The following TNPO2 variants were observed in gnomAD, a reference collection of about 807,000 sequenced individuals.
TNPO2 encodes the protein transportin 2.
Under a neutral mutation model 111.1 loss-of-function variants are expected in TNPO2, and 16 were observed. That is an observed-to-expected ratio of 0.14 (90% CI 0.10 to 0.22). The LOEUF is 0.22. Among genes scored for constraint, TNPO2 ranks in the 10% least tolerant of loss-of-function variants. TNPO2 has a pLI of 1.00. For synonymous variants in TNPO2, 481 were observed against 475.8 expected (o/e 1.01, Z -0.14); for missense variants, 530 against 1,173.7 (o/e 0.45, Z 8.01).
rs768505656 is a variant in TNPO2, at chr19:12,719,081, C to T, written c.273G>A (p.Gln91=). The T allele has an allele frequency of 1.9e-6, 3 of 1,613,990 alleles. No homozygotes were observed. Among genetic ancestry groups the T allele is most frequent in the Admixed American group, 1.7e-5 (1 of 60,026 alleles). The change falls in exon 5 of 26, where the codon CAG becomes CAA. Residue 91 remains glutamine, a synonymous_variant. Coordinates refer to ENST00000425528, the MANE Select transcript of TNPO2 (RefSeq NM_001382241.1). This position sits in a 1 kb window ranked among gnomAD's most constrained non-coding sequence, Gnocchi z 5.0. Reference sequence around the variant, plus strand: ...CATCGCCAATGTTGTTGAGACACTCCTGTTTGATGAAGTCTGCCACAGGGG... The same window carrying T: ...CATCGCCAATGTTGTTGAGACACTCTTGTTTGATGAAGTCTGCCACAGGGG... ...FPPPVADFIK[Q]ECLNNIGDAS...
In TNPO2 at chr19:12,715,220, C is replaced by T. The variant is rs1177537071; in HGVS notation, c.648+23G>A. The T allele has an allele frequency of 6.2e-7, 1 of 1,613,822 alleles. No homozygotes were observed. Among genetic ancestry groups the T allele is most frequent in the South Asian group, 1.1e-5 (1 of 91,070 alleles). ...TAGGGGCCCTCAGTCCTCGCCCTGC[C>T]CACCCCCAGCCCAGCGGCCCACCTC... is the stretch of plus-strand genomic sequence containing the variant. On this transcript the variant is annotated intron_variant, in intron 8 of 25. Coordinates refer to ENST00000425528, the MANE Select transcript of TNPO2 (RefSeq NM_001382241.1). This position sits in a 1 kb window ranked among gnomAD's most constrained non-coding sequence, Gnocchi z 7.1.
rs1016727566 is a variant in TNPO2 at position 12,710,789 on chromosome 19, C to T, written c.1118-16G>A. On this transcript the variant is annotated splice_polypyrimidine_tract_variant and intron_variant, in intron 12 of 25. Transcript: ENST00000425528. ...GAGCACTTCCCTGGGGAAGGGGGAA[C>T]AATGGGGAGGCTCAGGGCGGCCCCT... is the stretch of plus-strand genomic sequence containing the variant. 6.2e-7 allele frequency: 1 copy of T among 1,600,620 alleles called. No individual in the cohort carries two copies. Among genetic ancestry groups the T allele is most frequent in the South Asian group, 1.1e-5 (1 of 89,350 alleles).
chr19:12,715,284 G>A lies in TNPO2; in HGVS notation c.607C>T (p.Arg203Trp), dbSNP rs1194257803. 1.2e-6 allele frequency: 2 copies of A among 1,613,534 alleles called. No homozygotes were observed. The highest frequency in any genetic ancestry group is 8.5e-7 in the Non-Finnish European group (1 of 1,179,736). ...ATATTGTCCATCAGCGCCTGGGCCC[G>A]GTCCATGATGAACTGGTTCACGCAG... ...IACVNQFIMD[R>W]AQALMDNIDT... Residue 203 changes from arginine (R) to tryptophan (W), a missense_variant, in exon 8 of 26, where the codon CGG becomes TGG. Coordinates refer to ENST00000425528, the MANE Select transcript of TNPO2 (RefSeq NM_001382241.1). This position sits in a 1 kb window ranked among gnomAD's most constrained non-coding sequence, Gnocchi z 7.1.
chr19:12,710,700 T>C lies in TNPO2; in HGVS notation c.1191A>G (p.Pro397=), dbSNP rs2025987718. The C allele has an allele frequency of 1.2e-6, 2 of 1,613,432 alleles. No individual in the cohort carries two copies. The highest frequency in any genetic ancestry group is 2.2e-5 in the South Asian group (2 of 91,012). ...FREELLPHLL[P]LLKGLLFHPE... is the part of the protein sequence containing the mutation. ...GGTGGAAGAGGAGGCCTTTGAGTAG[T>C]GGGAGTAGGTGGGGCAGCAGTTCCT... Residue 397 remains proline, a synonymous_variant, in exon 13 of 26, where the codon CCA becomes CCG. Transcript: ENST00000425528.
At chr19:12,718,357 G>A (rs1467417501) in intron 5 of TNPO2, among the ~76,000 whole-genome samples, 6 of 152,128 alleles carry the variant, frequency 3.9e-5, no homozygotes, top group African/African-American at 1.4e-4. Flanking sequence ...AGTAGAGATG[G>A]GGTTTCACCA....
intron 20 of TNPO2, 108 bp downstream of exon 20, chr19:12,703,320 C>G: frequency 2.0e-6 from 2 of 1,010,078 alleles, no homozygotes; most frequent in Non-Finnish European, 3.0e-6. Context: ...CCCTGACGAC[C>G]CCCAAGAGAC....
At chr19:12,714,674 T>C (rs1568337388) in intron 10 of TNPO2, 147 bp downstream of exon 10, 1 of 662,392 alleles carries the variant, frequency 1.5e-6, no homozygotes, top group South Asian at 1.8e-5. Flanking sequence ...AAAAGTGGCA[T>C]TCTTACCACT....
rs1052400743 is a variant in TNPO2, at chr19:12,700,730, C to G, written c.*534G>C. 3 of 148,934 alleles carry G rather than the reference C, an allele frequency of 2.0e-5. No individual in the cohort carries two copies. The highest frequency in any genetic ancestry group is 4.9e-5 in the African/African-American group (2 of 40,520). 9.2% of individuals were successfully genotyped at this position (148,934 alleles called of 1,614,324 possible). A position where few individuals can be genotyped will look rare whatever the true frequency, so the allele number is the denominator to read the frequency against. ...TCTTAAACTCTAGATGCAGGTTACACGGAAGGCCTTACGGGTTAACTCAGG... is the reference window on the plus strand; with the variant it reads ...TCTTAAACTCTAGATGCAGGTTACAGGGAAGGCCTTACGGGTTAACTCAGG... On this transcript the variant is annotated 3_prime_UTR_variant, in exon 26 of 26. Transcript: ENST00000425528.
chr19:12,710,730 G>A lies in TNPO2; in HGVS notation c.1161C>T (p.Phe387=). 4 of 1,613,376 alleles carry A rather than the reference G, an allele frequency of 2.5e-6. No homozygotes were observed. The highest frequency in any genetic ancestry group is 3.4e-6 in the Non-Finnish European group (4 of 1,179,672). The change falls in exon 13 of 26, where the codon TTC becomes TTT. Residue 387 remains phenylalanine (F), a synonymous_variant. Coordinates refer to ENST00000425528, the MANE Select transcript of TNPO2 (RefSeq NM_001382241.1). ...AAALDVLANV[F]REELLPHLLP... is the part of the protein sequence containing the mutation. ...GTAGGTGGGGCAGCAGTTCCTCCCG[G>A]AAGACATTGGCGAGGACGTCCAGTG... is the stretch of plus-strand genomic sequence containing the variant.
chr19:12,721,703 G>A lies in TNPO2; in HGVS notation c.-13-713C>T. Reference sequence around the variant, plus strand: ...CTGCTGCCTCTTCGAATGAGAGCCAGCCAAGCCCGGCCAACCCACTATAGG... The same window carrying A: ...CTGCTGCCTCTTCGAATGAGAGCCAACCAAGCCCGGCCAACCCACTATAGG... On this transcript the variant is annotated intron_variant, in intron 2 of 25. Transcript: ENST00000425528. This position sits in a 1 kb window ranked among gnomAD's most constrained non-coding sequence, Gnocchi z 4.9. The A allele has an allele frequency of 4.7e-6, 1 of 211,984 alleles. No homozygotes were observed. Among genetic ancestry groups the A allele is most frequent in the Non-Finnish European group, 9.6e-6 (1 of 104,590 alleles). The allele number at this position is 211,984 out of a possible 1,614,324, so 13.1% of individuals were successfully genotyped here. A position where few individuals can be genotyped will look rare whatever the true frequency, so the allele number is the denominator to read the frequency against.
At chr19:12,711,806 A>C (rs907147030) in intron 10 of TNPO2, among the ~76,000 whole-genome samples, 193 bp from the exon 11 acceptor site, 10 of 151,878 alleles carry the variant, frequency 6.6e-5, no homozygotes, top group Non-Finnish European at 1.3e-4. Context: ...AATTATCGGA[A>C]TCTAGTCTCT....
In TNPO2 at chr19:12,715,672, G is replaced by A; in HGVS notation, c.393C>T (p.Leu131=). Residue 131 remains leucine, a synonymous_variant, in exon 6 of 26, where the codon CTC becomes CTT. Coordinates refer to ENST00000425528, the MANE Select transcript of TNPO2 (RefSeq NM_001382241.1). The surrounding 1 kb of genome is among the most constrained non-coding windows in gnomAD (Gnocchi z 7.1). ...AATCCTCCGAGTTAAGCAGGTTGCA[G>A]AGCTGGGGCAGCAGCTCGGGCCACA... ...LQMWPELLPQ[L]CNLLNSEDYN... is the part of the protein sequence containing the mutation. 1 of 1,613,764 alleles carries A rather than the reference G, an allele frequency of 6.2e-7. No homozygotes were observed. The highest frequency in any genetic ancestry group is 8.5e-7 in the Non-Finnish European group (1 of 1,179,808).
At position 12,715,876 on chromosome 19, in the gene TNPO2, T is replaced by G. The variant is rs2026336032; in HGVS notation, c.326-137A>C. 3 of 672,836 alleles carry G rather than the reference T, an allele frequency of 4.5e-6. No homozygotes were observed. Among genetic ancestry groups the G allele is most frequent in the Non-Finnish European group, 7.5e-6 (3 of 400,430 alleles). The allele number at this position is 672,836 out of a possible 1,614,324, so 41.7% of individuals were successfully genotyped here. A position where few individuals can be genotyped will look rare whatever the true frequency, so the allele number is the denominator to read the frequency against. On this transcript the variant is annotated intron_variant, in intron 5 of 25. Transcript: ENST00000425528. This position sits in a 1 kb window ranked among gnomAD's most constrained non-coding sequence, Gnocchi z 7.1. ...CCCTCTACATCCCCCCTCCTTTTTTTTTTCTTTGTAAGAGATAGAATTAGC... is the reference window on the plus strand; with the variant it reads ...CCCTCTACATCCCCCCTCCTTTTTTGTTTCTTTGTAAGAGATAGAATTAGC...
In TNPO2 at chr19:12,719,285, C is replaced by T. The variant is rs2026536328; in HGVS notation, c.151G>A (p.Val51Ile). The T allele has an allele frequency of 3.7e-6, 6 of 1,613,886 alleles. No individual in the cohort carries two copies. The highest frequency in any genetic ancestry group is 1.1e-5 in the South Asian group (1 of 91,080). Residue 51 changes from valine (V) to isoleucine (I), a missense_variant, in exon 4 of 26, where the codon GTC becomes ATC. Physicochemically the swap from Val to Ile is conservative, Grantham distance 29 (BLOSUM62 3). Coordinates refer to ENST00000425528, the MANE Select transcript of TNPO2 (RefSeq NM_001382241.1). The surrounding 1 kb of genome is among the most constrained non-coding windows in gnomAD (Gnocchi z 5.0). ...CCTTCTGACTTGAGTCTGGTCAGGA[C>T]GAAAATCAGGTAGTTGTTGAAGTCA... is the stretch of plus-strand genomic sequence containing the variant. ...FPDFNNYLIF[V>I]LTRLKSEDEP...
Position 12,705,344 on chromosome 19 carries a change from C to T in TNPO2, c.1918G>A (p.Val640Ile). Residue 640 changes from valine to isoleucine, a missense_variant, in exon 18 of 26, where the codon GTA becomes ATA. Val to Ile is a conservative substitution (Grantham distance 29). Coordinates refer to ENST00000425528, the MANE Select transcript of TNPO2 (RefSeq NM_001382241.1). The surrounding 1 kb of genome is among the most constrained non-coding windows in gnomAD (Gnocchi z 7.2). ...YEAPDKDFMI[V>I]ALDLLSGLAE... is the part of the protein sequence containing the mutation. ...AGGCCGCTGAGCAGATCCAGTGCTA[C>T]GATCATGAAGTCCTTGTCGGGAGCC... The T allele has an allele frequency of 1.3e-6, 2 of 1,590,712 alleles. No homozygotes were observed. The highest frequency in any genetic ancestry group is 1.7e-6 in the Non-Finnish European group (2 of 1,168,776).
rs1007276253 is a variant in TNPO2 at position 12,705,155 on chromosome 19, T to C, written c.2022+85A>G. ...AACAGCACCTTTTCCCTGATTTCCT[T>C]TGGGCACAACCAGGCCCTGACTCCC... On this transcript the variant is annotated intron_variant, in intron 18 of 25. Transcript: ENST00000425528. The surrounding 1 kb of genome is among the most constrained non-coding windows in gnomAD (Gnocchi z 7.2). 1.5e-6 allele frequency: 2 copies of C among 1,370,792 alleles called. No individual in the cohort carries two copies. Among genetic ancestry groups the C allele is most frequent in the Non-Finnish European group, 2.0e-6 (2 of 996,526 alleles). The allele number at this position is 1,370,792 out of a possible 1,614,324, so 84.9% of individuals were successfully genotyped here.
Position 12,701,893 on chromosome 19 carries a change from G to A in TNPO2, c.2412-42C>T. 1 of 1,559,608 alleles carries A rather than the reference G, an allele frequency of 6.4e-7. No homozygotes were observed. Among genetic ancestry groups the A allele is most frequent in the Non-Finnish European group, 8.8e-7 (1 of 1,133,604 alleles). ...AGCTGGAGGTCAGAGGGCAGGCTGG[G>A]CATGCATCTGTGGAGGGCTGGGTCA... On this transcript the variant is annotated intron_variant, in intron 22 of 25. Coordinates refer to ENST00000425528, the MANE Select transcript of TNPO2 (RefSeq NM_001382241.1). The surrounding 1 kb of genome is among the most constrained non-coding windows in gnomAD (Gnocchi z 5.0).
In TNPO2 at chr19:12,705,802, G is replaced by A. The variant is rs2025617282; in HGVS notation, c.1669-34C>T. The A allele has an allele frequency of 7.1e-7, 1 of 1,413,832 alleles. No individual in the cohort carries two copies. The highest frequency in any genetic ancestry group is 9.4e-7 in the Non-Finnish European group (1 of 1,064,066). The allele number at this position is 1,413,832 out of a possible 1,614,324, so 87.6% of individuals were successfully genotyped here. On this transcript the variant is annotated intron_variant, in intron 15 of 25. Coordinates refer to ENST00000425528, the MANE Select transcript of TNPO2 (RefSeq NM_001382241.1). The surrounding 1 kb of genome is among the most constrained non-coding windows in gnomAD (Gnocchi z 7.2). ...GGAGCACGAAATGGGCGCTCCCTGG[G>A]TCGGGGTGGCAGACTGTGACTCAGG...
chr19:12,720,364 T>C (rs1287532976), intron 3 of TNPO2, among the ~76,000 whole-genome samples: 5 of 151,462 alleles, frequency 3.3e-5, no homozygotes, highest in African/African-American at 1.2e-4. Context: ...TCGCCCAGGG[T>C]GGCTGGAGTA....
Sources: gnomAD v4.1 joint callset for allele counts (sites outside exome capture counted in the v4.1 genomes callset) on GRCh38, gnomAD v4.1.1 for gene constraint, Gnocchi (gnomAD v3.1) non-coding constraint, MANE v1.5 for transcripts, NCBI Gene and HGNC (gene_info 2026-07-23, HGNC 2026-07-21) for gene names.